The following CFAP20DC variants were observed in gnomAD, a reference collection of about 807,000 sequenced individuals.
CFAP20DC encodes CFAP20 domain containing.
A neutral mutation model predicts 101.7 loss-of-function variants in CFAP20DC; 84 were observed. That is an observed-to-expected ratio of 0.83 (90% CI 0.69 to 0.99). CFAP20DC has a LOEUF of 0.99. Ranked by LOEUF, CFAP20DC falls within the 50% of genes least tolerant of loss-of-function variation. The pLI, the probability that CFAP20DC is intolerant of heterozygous loss-of-function variation, is 0.00. For synonymous variants in CFAP20DC, 359 were observed against 351.2 expected (o/e 1.02, Z -0.25); for missense variants, 1,007 against 970.3 (o/e 1.04, Z -0.50).
chr3:58,953,887 A>T (rs1440180460), intron 4 of CFAP20DC: 1 of 152,190 alleles, frequency 6.6e-6, no homozygotes, highest in Admixed American at 6.5e-5. Context: ...ATTCATTTTT[A>T]AAAAACACCA....
At chr3:58,931,197 A>G (rs1170167967) in intron 5 of CFAP20DC, among the ~76,000 whole-genome samples, 1 of 152,138 alleles carries the variant, frequency 6.6e-6, no homozygotes, top group African/African-American at 2.4e-5. Flanking sequence ...ATCAAACTGC[A>G]AGGTGGAAGC....
intron 7 of CFAP20DC, among the ~76,000 whole-genome samples, chr3:58,880,946 AAAG>A (rs1341525733): frequency 3.3e-5 from 5 of 152,180 alleles, no homozygotes; most frequent in Admixed American, 6.5e-5. Flanking sequence ...TGAGTTTAGA[AAAG>A]AAGAAATTAA....
At chr3:58,948,971 G>C (rs2089728082) in intron 4 of CFAP20DC, among the ~76,000 whole-genome samples, 1 of 152,300 alleles carries the variant, frequency 6.6e-6, no homozygotes, top group East Asian at 1.9e-4. Flanking sequence ...TTCAGAACCT[G>C]TTATTGGTCT....
At chr3:58,830,170 C>T (rs372456714) in intron 14 of CFAP20DC, among the ~76,000 whole-genome samples, 39 of 152,236 alleles carry the variant, frequency 2.6e-4, no homozygotes, top group African/African-American at 8.9e-4. Context: ...GCAAGAGAAA[C>T]CTGAAGGTAT....
chr3:58,890,714 G>A (rs909983721), intron 6 of CFAP20DC, among the ~76,000 whole-genome samples: 19 of 148,608 alleles, frequency 1.3e-4, no homozygotes, highest in Middle Eastern at 3.6e-3. Flanking sequence ...CAGACGGGGC[G>A]GCCGGGCAGA....
intron 15 of CFAP20DC, among the ~76,000 whole-genome samples, chr3:58,803,723 TATATG>T (rs1482765522): frequency 6.6e-6 from 1 of 152,230 alleles, no homozygotes; most frequent in East Asian, 1.9e-4. Flanking sequence ...TCTGAACAGT[TATATG>T]ATAATTTTTT....
intron 3 of CFAP20DC, among the ~76,000 whole-genome samples, chr3:59,045,237 A>G (rs1201317308): frequency 1.3e-5 from 2 of 152,090 alleles, no homozygotes; most frequent in Middle Eastern, 3.2e-3. Context: ...AATGGCACAT[A>G]AAGCACAGAA....
At chr3:58,949,756 T>C (rs891452226) in intron 4 of CFAP20DC, among the ~76,000 whole-genome samples, 1 of 152,230 alleles carries the variant, frequency 6.6e-6, no homozygotes, top group Non-Finnish European at 1.5e-5. Flanking sequence ...AATTAGGTTT[T>C]GATGGGATGT....
intron 14 of CFAP20DC, among the ~76,000 whole-genome samples, chr3:58,826,394 T>A (rs2076041569): frequency 6.6e-6 from 1 of 152,192 alleles, no homozygotes; most frequent in Non-Finnish European, 1.5e-5. Context: ...GGTGGTTTGC[T>A]GCACCCATCA....
intron 14 of CFAP20DC, among the ~76,000 whole-genome samples, chr3:58,828,425 G>C (rs2076183944): frequency 6.6e-6 from 1 of 152,120 alleles, no homozygotes; most frequent in African/African-American, 2.4e-5. Context: ...GATGTTAGGG[G>C]ACTATTGAAG....
chr3:58,979,044 G>A (rs2092405426), intron 4 of CFAP20DC, among the ~76,000 whole-genome samples: 1 of 152,150 alleles, frequency 6.6e-6, no homozygotes, highest in South Asian at 2.1e-4. Context: ...TAACTCCAGG[G>A]CTACAGCTAA....
intron 4 of CFAP20DC, 22 bp downstream of exon 4, chr3:59,039,535 A>T: frequency 7.1e-7 from 1 of 1,399,072 alleles, no homozygotes; most frequent in Non-Finnish European, 9.7e-7. Flanking sequence ...CAAAACATTC[A>T]AAGAAGTTCT....
chr3:58,863,361 A>G lies in CFAP20DC; in HGVS notation c.1593+197T>C, dbSNP rs1404610531. 1 of 1,409,106 alleles carries G rather than the reference A, an allele frequency of 7.1e-7. No homozygotes were observed. The highest frequency in any genetic ancestry group is 3.1e-5 in the Admixed American group (1 of 32,650). The allele number at this position is 1,409,106 out of a possible 1,614,324, so 87.3% of individuals were successfully genotyped here. A position where few individuals can be genotyped will look rare whatever the true frequency, so the allele number is the denominator to read the frequency against. On this transcript the variant is annotated intron_variant, in intron 12 of 16. Transcript: ENST00000482387. This position sits in a 1 kb window ranked among gnomAD's most constrained non-coding sequence, Gnocchi z 5.9. ...CTATAAGTAAAAGTGAAATTGGCTGACTGTTAATTAAAAAAAAAAAAAGAC... is the reference window on the plus strand; with the variant it reads ...CTATAAGTAAAAGTGAAATTGGCTGGCTGTTAATTAAAAAAAAAAAAAGAC...
chr3:58,952,169 T>C (rs1366475589), intron 4 of CFAP20DC, among the ~76,000 whole-genome samples: 2 of 152,184 alleles, frequency 1.3e-5, no homozygotes, highest in African/African-American at 4.8e-5. Flanking sequence ...GTGCTATTCT[T>C]AGTTTTCAGT....
chr3:58,754,372 G>C (rs1470451574), intron 15 of CFAP20DC, among the ~76,000 whole-genome samples: 1 of 152,076 alleles, frequency 6.6e-6, no homozygotes, highest in East Asian at 1.9e-4. Context: ...CAAAGGAAGG[G>C]GGAGTGAGGG....
At chr3:58,998,064 C>A (rs899189597) in intron 4 of CFAP20DC, among the ~76,000 whole-genome samples, 12 of 152,284 alleles carry the variant, frequency 7.9e-5, no homozygotes, top group Middle Eastern at 3.4e-3. Context: ...CTAGCCCAAG[C>A]TTGAAGGTTA....
rs755780383 is a variant in CFAP20DC, at chr3:58,913,754, C to T, written c.504G>A (p.Lys168=). 6.8e-6 allele frequency: 11 copies of T among 1,613,636 alleles called. No individual in the cohort carries two copies. Among genetic ancestry groups the T allele is most frequent in the Admixed American group, 1.7e-5 (1 of 59,900 alleles). ...GTGGCTTTGATTTTAAGGTGAAGAT[C>T]TTCCGTAGCTTACAGTTAGCTGAGA... The part of the protein sequence containing the change: ...IVVSANCKLR[K]IFTLKSKPQD... The change falls in exon 6 of 17, where the codon AAG becomes AAA. Residue 168 remains lysine (K), a synonymous_variant. Transcript: ENST00000482387. This position sits in a 1 kb window ranked among gnomAD's most constrained non-coding sequence, Gnocchi z 4.4.
chr3:58,864,044 G>A lies in CFAP20DC; in HGVS notation c.1259-152C>T, dbSNP rs770226276. On this transcript the variant is annotated intron_variant, in intron 11 of 16. Transcript: ENST00000482387. This position sits in a 1 kb window ranked among gnomAD's most constrained non-coding sequence, Gnocchi z 4.7. ...GCGATCTCGGCTCACTGCAACCTCCGCCTCCCAACCTTCAAGTGATTCTCC... is the reference window on the plus strand; with the variant it reads ...GCGATCTCGGCTCACTGCAACCTCCACCTCCCAACCTTCAAGTGATTCTCC... 9 of 717,858 alleles carry A rather than the reference G, an allele frequency of 1.3e-5. No homozygotes were observed. Among genetic ancestry groups the A allele is most frequent in the East Asian group, 5.6e-5 (2 of 35,882 alleles). 44.5% of individuals were successfully genotyped at this position (717,858 alleles called of 1,614,324 possible).
chr3:58,927,065 G>A (rs1302609732), intron 5 of CFAP20DC, among the ~76,000 whole-genome samples: 3 of 151,986 alleles, frequency 2.0e-5, no homozygotes, highest in Non-Finnish European at 2.9e-5. Flanking sequence ...CTATTTAATC[G>A]GATAGTTTTT....
Sources: allele counts gnomAD v4.1 joint callset (sites outside exome capture counted in the v4.1 genomes callset), GRCh38; gene constraint gnomAD v4.1.1; non-coding constraint Gnocchi (gnomAD v3.1); transcripts MANE v1.5; gene names NCBI Gene and HGNC (gene_info 2026-07-23, HGNC 2026-07-21).